Variants in UMODL1 observed in about 807,000 individuals in gnomAD.
UMODL1 encodes the protein uromodulin-like 1.
A neutral mutation model predicts 136.3 loss-of-function variants in UMODL1; 128 were observed. That is an observed-to-expected ratio of 0.94 (90% confidence interval 0.81 to 1.09). The LOEUF (loss-of-function observed/expected upper bound fraction) is 1.09. Among genes scored for constraint, UMODL1 ranks in the 50% least tolerant of loss-of-function variants. The probability of loss-of-function intolerance (pLI) is 0.00; values close to 1 mark genes in which losing one functional copy is unlikely to be tolerated. For missense variants in UMODL1, 1,766 were observed against 1,725.6 expected (o/e 1.02, Z -0.41); for synonymous variants, 721 against 720.0 (o/e 1.00, Z -0.02).
In UMODL1 at chr21:42,084,204, C is replaced by T; in HGVS notation, c.440C>T (p.Pro147Leu). ...IDCPGLEKCC[P>L]WSGGRYCMAP... ...TGTCCTGGACTTGAGAAGTGCTGCC[C>T]CTGGTCAGGGGGGCGCTACTGCATG... Residue 147 changes from proline (P) to leucine (L), a missense_variant, in exon 3 of 23, where the codon CCC (proline) becomes CTC (leucine). Transcript: ENST00000408910. 6 of 1,613,874 alleles carry T rather than the reference C, an allele frequency of 3.7e-6. No individual in the cohort carries two copies. The highest frequency in any genetic ancestry group is 5.1e-6 in the Non-Finnish European group (6 of 1,180,016).
At chr21:42,128,634 A>C (rs2067093834) in intron 20 of UMODL1, among the ~76,000 whole-genome samples, 2 of 152,128 alleles carry the variant, frequency 1.3e-5, no homozygotes, top group South Asian at 4.2e-4. Flanking sequence ...GACAGAAGGA[A>C]CCTCAGGTCC....
At chr21:42,075,243 G>GTT (rs1555917881) in intron 1 of UMODL1, among the ~76,000 whole-genome samples, 983 of 49,034 alleles carry the variant, frequency 0.02, 7 homozygotes, top group African/African-American at 0.074. Context: ...GCTGGAGATG[G>GTT]GGGGGGGGTT....
chr21:42,097,652 ATTATT>A (rs1220948695), intron 6 of UMODL1, among the ~76,000 whole-genome samples: 2 of 152,292 alleles, frequency 1.3e-5, no homozygotes, highest in East Asian at 3.9e-4. Flanking sequence ...TTATAAAATT[ATTATT>A]TTCTTTACCA....
In UMODL1 at chr21:42,077,858, G is replaced by A. The variant is rs551881080; in HGVS notation, c.319+1611G>A. On this transcript the variant is annotated intron_variant, in intron 2 of 22. Coordinates refer to ENST00000408910, the MANE Select transcript of UMODL1 (RefSeq NM_001004416.3). ...AACAGCAGAATGGAGCGTGGACTCC[G>A]CAAACCAGGGTGTCTGCCTCCTCCA... 5.3e-5 allele frequency among the ~76,000 whole-genome samples: 8 copies of A among 152,294 alleles called. 1 individual carries two copies. In the South Asian group the frequency reaches 8.3e-4, roughly 16 times the overall value.
In UMODL1 at chr21:42,099,143, C is replaced by T. The variant is rs376120666; in HGVS notation, c.1149C>T (p.Cys383=). 52 of 1,613,358 alleles carry T rather than the reference C, an allele frequency of 3.2e-5. No homozygotes were observed. Among genetic ancestry groups the T allele is most frequent in the Non-Finnish European group, 3.7e-5 (44 of 1,180,006 alleles). Reference sequence around the variant, plus strand: ...GGGTGAAGACCAGCTACCAGGGGTGCGGGGCCGACGTCTCCACCACGCTGA... The same window carrying T: ...GGGTGAAGACCAGCTACCAGGGGTGTGGGGCCGACGTCTCCACCACGCTGA... The part of the protein sequence containing the change: ...LYRVKTSYQG[C]GADVSTTLTI... The change falls in exon 7 of 23, where the codon TGC becomes TGT. Residue 383 remains cysteine (C), a synonymous_variant. Transcript: ENST00000408910. The surrounding 1 kb of genome is among the most constrained non-coding windows in gnomAD (Gnocchi z 4.1).
In UMODL1 at chr21:42,116,037, G is replaced by A. The variant is rs1045687162; in HGVS notation, c.2475+52G>A. On this transcript the variant is annotated intron_variant, in intron 14 of 22. Transcript: ENST00000408910. ...TCCTTTCAGGAGGGAAAGGGTGGAA[G>A]GCTGATAGAATTCTAGGTTAGGCAC... The A allele has an allele frequency of 4.0e-6, 6 of 1,499,008 alleles. No homozygotes were observed. The African/African-American group carries it at 8.3e-5, about 21-fold the overall frequency. 92.9% of individuals were successfully genotyped at this position (1,499,008 alleles called of 1,614,324 possible). A position where few individuals can be genotyped will look rare whatever the true frequency, so the allele number is the denominator to read the frequency against.
chr21:42,083,267 C>T (rs1054644028), intron 2 of UMODL1, among the ~76,000 whole-genome samples: 3 of 152,186 alleles, frequency 2.0e-5, no homozygotes, highest in Non-Finnish European at 2.9e-5. Context: ...CCGTTCTTCC[C>T]GCAGCTTTCC....
intron 9 of UMODL1, among the ~76,000 whole-genome samples, chr21:42,108,070 A>G (rs145795177): frequency 4.6e-5 from 7 of 152,362 alleles, no homozygotes; most frequent in Middle Eastern, 3.4e-3. Flanking sequence ...TCAAGGCTTA[A>G]TGCAAGACTA....
intron 7 of UMODL1, among the ~76,000 whole-genome samples, chr21:42,101,012 GGAAGACTCTA>G (rs2066624629): frequency 6.8e-6 from 1 of 146,606 alleles, no homozygotes; most frequent in Admixed American, 6.9e-5. Context: ...CAGATAATTT[GGAAGACTCTA>G]GAAGACTCTA....
chr21:42,076,148 GT>G lies in UMODL1; in HGVS notation c.223del (p.Tyr75ThrfsTer7), dbSNP rs1359203723. 1 of 1,614,136 alleles carries G rather than the reference GT, an allele frequency of 6.2e-7. No individual in the cohort carries two copies. The highest frequency in any genetic ancestry group is 2.2e-5 in the East Asian group (1 of 44,896). ...WIPWRRCPKM[V>X]YRTQYLVVEV... ...CCCCTGGAGGCGGTGCCCTAAGATG[GT>G]TTACCGGACACAGTACCTGGTAGTG... On this transcript the variant is annotated frameshift_variant, in exon 2 of 23. Coordinates refer to ENST00000408910, the MANE Select transcript of UMODL1 (RefSeq NM_001004416.3). LOFTEE classifies it high-confidence loss of function.
In UMODL1 at chr21:42,123,785, G is replaced by A. The variant is rs565146748; in HGVS notation, c.3147+635G>A. Among the ~76,000 whole-genome samples the A allele has an allele frequency of 6.6e-6, 1 of 152,124 alleles. No individual in the cohort carries two copies. Among genetic ancestry groups the A allele is most frequent in the South Asian group, 2.1e-4 (1 of 4,826 alleles). On this transcript the variant is annotated intron_variant, in intron 17 of 22. Transcript: ENST00000408910. The surrounding 1 kb of genome is among the most constrained non-coding windows in gnomAD (Gnocchi z 4.4). ...CATGTGTGGATGCGTTTGTCCATGT[G>A]TGAGTGTGTATGTATGGGTGTGTGT...
rs2066539396 is a variant in UMODL1 at position 42,095,089 on chromosome 21, G to GTTTTTCTTTT, written c.932-3832_932-3831insCTTTTTTTTT. The stretch of plus-strand genomic sequence containing the variant: ...CATCACTCCTTTGTTTTCTTCTGCT[G>GTTTTTCTTTT]TTTTTTTTTTTTTTTTTTTTTTTGA... On this transcript the variant is annotated intron_variant, in intron 6 of 22. Coordinates refer to ENST00000408910, the MANE Select transcript of UMODL1 (RefSeq NM_001004416.3). Among the ~76,000 whole-genome samples the GTTTTTCTTTT allele has an allele frequency of 6.5e-5, 4 of 61,206 alleles. No individual in the cohort carries two copies. The East Asian group carries it at 2.2e-3, about 34-fold the overall frequency. The allele number at this position is 61,206 out of a possible 152,430, so 40.2% of individuals were successfully genotyped here. A position where few individuals can be genotyped will look rare whatever the true frequency, so the allele number is the denominator to read the frequency against.
In UMODL1 at chr21:42,122,833, G is replaced by C. The variant is rs377147085; in HGVS notation, c.2830G>C (p.Asp944His). The stretch of plus-strand genomic sequence containing the variant: ...CTTTTCCTCCTTGTGCCTTGCAGGT[G>C]ACTCTCCTGGCAATGAAACCTGGGC... ...VEYSERPCEG[D>H]SPGNETWATS... Residue 944 changes from aspartate to histidine, a missense_variant and splice_region_variant, in exon 17 of 23, where the codon GAC (aspartate) becomes CAC (histidine). Transcript: ENST00000408910. The surrounding 1 kb of genome is among the most constrained non-coding windows in gnomAD (Gnocchi z 4.3). The C allele has an allele frequency of 6.3e-7, 1 of 1,592,578 alleles. No homozygotes were observed. Among genetic ancestry groups the C allele is most frequent in the Admixed American group, 1.7e-5 (1 of 57,806 alleles).
At chr21:42,090,502 T>A in intron 6 of UMODL1, 64 bp downstream of exon 6, 1 of 1,582,322 alleles carries the variant, frequency 6.3e-7, no homozygotes, top group Non-Finnish European at 8.6e-7. Context: ...CCGGGAATAC[T>A]CACCAGCAGT....
chr21:42,084,770 A>G (rs1039007337), intron 3 of UMODL1, among the ~76,000 whole-genome samples: 1 of 149,950 alleles, frequency 6.7e-6, no homozygotes, highest in East Asian at 1.9e-4. Flanking sequence ...AAAATATTAT[A>G]TATTATAGCG....
At chr21:42,121,696 T>A (rs1163816558) in intron 16 of UMODL1, among the ~76,000 whole-genome samples, 1 of 152,180 alleles carries the variant, frequency 6.6e-6, no homozygotes, top group Admixed American at 6.5e-5. Context: ...TCCAGGAATC[T>A]GCGTCAAGTG....
chr21:42,139,980 C>A (rs186104156), intron 22 of UMODL1, among the ~76,000 whole-genome samples: 52 of 152,272 alleles, frequency 3.4e-4, no homozygotes, highest in Admixed American at 2.5e-3. Context: ...TGGAGGTTGC[C>A]TTTTGGAAAC....
At position 42,111,621 on chromosome 21, in the gene UMODL1, C is replaced by T. The variant is rs114511817; in HGVS notation, c.2015C>T (p.Thr672Met). ...ACCCGGGAAACACTTCTGAATCCCA[C>T]GTGGCTGCGAAATGAGGACAGTGGA... ...RSTRETLLNP[T>M]WLRNEDSGPS... The change falls in exon 12 of 23, where the codon ACG becomes ATG. Residue 672 changes from threonine to methionine, a missense_variant. Physicochemically the swap from Thr to Met is moderately conservative, Grantham distance 81. Transcript: ENST00000408910. The T allele has an allele frequency of 5.8e-3, 9,320 of 1,614,110 alleles. 126 individuals carry two copies. The highest frequency in any genetic ancestry group is 0.048 in the African/African-American group (3,581 of 75,046).
intron 12 of UMODL1, among the ~76,000 whole-genome samples, chr21:42,112,161 C>T (rs543442927): frequency 9.9e-5 from 15 of 151,752 alleles, no homozygotes; most frequent in South Asian, 4.2e-4. Context: ...AGCTGTTCTG[C>T]ACCCCTCAGC....
Sources: allele counts gnomAD v4.1 joint callset (sites outside exome capture counted in the v4.1 genomes callset), GRCh38; gene constraint gnomAD v4.1.1; non-coding constraint Gnocchi (gnomAD v3.1); transcripts MANE v1.5; gene names NCBI Gene and HGNC (gene_info 2026-07-23, HGNC 2026-07-21).